CFAP20DC: variants seen among roughly 807,000 people sequenced by gnomAD.
CFAP20DC encodes CFAP20 domain containing, also known as protein CFAP20DC.
CFAP20DC carries 84 observed loss-of-function variants against 101.7 expected under a neutral mutation model. The observed-to-expected ratio is 0.83, with a 90% CI of 0.69 to 0.99. The LOEUF is 0.99. CFAP20DC is among the 50% of genes least tolerant of loss of function. CFAP20DC has a pLI of 0.00. For synonymous variants in CFAP20DC, 359 were observed against 351.2 expected (o/e 1.02, Z -0.25); for missense variants, 1,007 against 970.3 (o/e 1.04, Z -0.50).
At chr3:58,981,695 C>G (rs912658562) in intron 4 of CFAP20DC, among the ~76,000 whole-genome samples, 1 of 152,150 alleles carries the variant, frequency 6.6e-6, no homozygotes, top group Non-Finnish European at 1.5e-5. Context: ...ACACCTTAAA[C>G]AAAAAGTAAT....
rs532460476 is a variant in CFAP20DC at position 58,888,758 on chromosome 3, T to C, written c.551-4049A>G. On this transcript the variant is annotated intron_variant, in intron 6 of 16. Transcript: ENST00000482387. ...GGTTCCATGTCGTTGCTATTGCAAA[T>C]AGTGCTGCAGTGAACATATGCGTGC... 3.9e-5 allele frequency among the ~76,000 whole-genome samples: 6 copies of C among 152,360 alleles called. No homozygotes were observed. In the South Asian group the frequency reaches 1.2e-3, roughly 32 times the overall value.
At chr3:58,837,646 A>C (rs2108125954) in intron 13 of CFAP20DC, among the ~76,000 whole-genome samples, 1 of 152,300 alleles carries the variant, frequency 6.6e-6, no homozygotes, top group Non-Finnish European at 1.5e-5. Context: ...TGGAAAACTC[A>C]ATCTAAACAG....
intron 5 of CFAP20DC, among the ~76,000 whole-genome samples, chr3:58,923,243 ATACTTTTAAACGAATT>A (rs2085579980): frequency 6.6e-6 from 1 of 152,136 alleles, no homozygotes; most frequent in South Asian, 2.1e-4. Context: ...AAACAATCAA[ATACTTTTAAACGAATT>A]GTAATAATGA....
intron 14 of CFAP20DC, among the ~76,000 whole-genome samples, chr3:58,814,594 A>G (rs1372393783): frequency 6.6e-6 from 1 of 151,382 alleles, no homozygotes; most frequent in African/African-American, 2.5e-5. Flanking sequence ...ACATGATTGT[A>G]TATCTAGAAA....
intron 15 of CFAP20DC, among the ~76,000 whole-genome samples, chr3:58,767,854 T>G (rs1176329491): frequency 6.6e-6 from 1 of 152,242 alleles, no homozygotes. Flanking sequence ...ATCTAATCTA[T>G]GCTTGATTAC....
intron 13 of CFAP20DC, among the ~76,000 whole-genome samples, chr3:58,843,182 A>G (rs1473247370): frequency 6.6e-6 from 1 of 152,234 alleles, no homozygotes; most frequent in African/African-American, 2.4e-5. Flanking sequence ...TGATGAGCTG[A>G]GAGAAGAAGG....
intron 16 of CFAP20DC, among the ~76,000 whole-genome samples, chr3:58,747,485 G>A (rs2068282786): frequency 6.6e-6 from 1 of 152,046 alleles, no homozygotes; most frequent in Admixed American, 6.6e-5. Context: ...AAATGATGTG[G>A]CACTAGTTTA....
intron 5 of CFAP20DC, among the ~76,000 whole-genome samples, chr3:58,930,769 A>C (rs917661958): frequency 4.6e-5 from 7 of 152,182 alleles, no homozygotes; most frequent in Admixed American, 2.0e-4. Flanking sequence ...CTTTTAAATT[A>C]AATTTAAGCA....
chr3:58,984,537 C>T (rs1232570666), intron 4 of CFAP20DC, among the ~76,000 whole-genome samples: 6 of 152,104 alleles, frequency 3.9e-5, no homozygotes, highest in Admixed American at 3.9e-4. Context: ...GAGGGTCTTG[C>T]CTTGCAAGAT....
At chr3:58,891,342 G>A (rs567028793) in intron 6 of CFAP20DC, among the ~76,000 whole-genome samples, 1 of 151,678 alleles carries the variant, frequency 6.6e-6, no homozygotes, top group Non-Finnish European at 1.5e-5. Flanking sequence ...CAGGGAGGTT[G>A]CAGTGAGCCG....
At chr3:58,817,454 T>C (rs1424717277) in intron 14 of CFAP20DC, among the ~76,000 whole-genome samples, 5 of 147,702 alleles carry the variant, frequency 3.4e-5, no homozygotes, top group African/African-American at 1.2e-4. Context: ...AAGGAGCTGA[T>C]GGAGCTGAAA....
rs535225519 is a variant in CFAP20DC at position 59,022,488 on chromosome 3, T to C, written c.278+17069A>G. On this transcript the variant is annotated intron_variant, in intron 4 of 16. Transcript: ENST00000482387. ...TTGTATATTTATTTCAAATCCTTGC[T>C]TGTAGCATATCAATAATCATATATG... Among the ~76,000 whole-genome samples the C allele has an allele frequency of 7.9e-5, 12 of 152,258 alleles. No individual in the cohort carries two copies. In the South Asian group the frequency reaches 1.2e-3, roughly 16 times the overall value.
chr3:58,758,476 A>G (rs890821157), intron 15 of CFAP20DC, among the ~76,000 whole-genome samples: 1 of 151,982 alleles, frequency 6.6e-6, no homozygotes, highest in Non-Finnish European at 1.5e-5. Context: ...CACCATTTCC[A>G]TACTTGCCCC....
intron 4 of CFAP20DC, among the ~76,000 whole-genome samples, chr3:58,951,358 AG>A (rs2108043265): frequency 1.3e-5 from 2 of 152,374 alleles, no homozygotes; most frequent in South Asian, 2.1e-4. Flanking sequence ...GCGATTCCTC[AG>A]GGATCTAGGA....
At position 58,897,470 on chromosome 3, in the gene CFAP20DC, T is replaced by C. The variant is rs555123013; in HGVS notation, c.551-12761A>G. Among the ~76,000 whole-genome samples the C allele has an allele frequency of 6.6e-6, 1 of 152,380 alleles. No individual in the cohort carries two copies. The highest frequency in any genetic ancestry group is 6.5e-5 in the Admixed American group (1 of 15,310). ...GTTGCTTCAATGTTACTGGGCTGTG[T>C]ACTTCAGATACACTGTACTTCAGTG... On this transcript the variant is annotated intron_variant, in intron 6 of 16. Coordinates refer to ENST00000482387, the MANE Select transcript of CFAP20DC (RefSeq NM_001394063.1). The surrounding 1 kb of genome is among the most constrained non-coding windows in gnomAD (Gnocchi z 4.4).
At chr3:58,858,437 TACACA>T (rs2079007460) in intron 12 of CFAP20DC, among the ~76,000 whole-genome samples, 1 of 152,206 alleles carries the variant, frequency 6.6e-6, no homozygotes, top group South Asian at 2.1e-4. Flanking sequence ...AATTTCTGGC[TACACA>T]AAATGGATTG....
At chr3:58,995,791 T>C (rs780357719) in intron 4 of CFAP20DC, among the ~76,000 whole-genome samples, 2 of 152,200 alleles carry the variant, frequency 1.3e-5, no homozygotes, top group Non-Finnish European at 2.9e-5. Flanking sequence ...AGTTGGAACA[T>C]AGGTCTTTTG....
In CFAP20DC at chr3:58,806,457, C is replaced by T. The variant is rs1446088388; in HGVS notation, c.2176-1G>A. 1 of 1,609,292 alleles carries T rather than the reference C, an allele frequency of 6.2e-7. No individual in the cohort carries two copies. Among genetic ancestry groups the T allele is most frequent in the South Asian group, 1.1e-5 (1 of 90,980 alleles). ...GATAGTGGCGACCCTGGTTGACAGGCTGGAAAAGACAAAACATTTGTGAAT... is the reference window on the plus strand; with the variant it reads ...GATAGTGGCGACCCTGGTTGACAGGTTGGAAAAGACAAAACATTTGTGAAT... On this transcript the variant is annotated splice_acceptor_variant, in intron 14 of 16. Transcript: ENST00000482387. LOFTEE classifies it high-confidence loss of function.
At chr3:58,898,150 C>G (rs929581852) in intron 6 of CFAP20DC, among the ~76,000 whole-genome samples, 3 of 151,726 alleles carry the variant, frequency 2.0e-5, no homozygotes, top group African/African-American at 7.3e-5. Flanking sequence ...ATTCTTTCCT[C>G]CACTTGGTCT....
Sources: gnomAD v4.1 joint callset for allele counts (sites outside exome capture counted in the v4.1 genomes callset) on GRCh38, gnomAD v4.1.1 for gene constraint, Gnocchi (gnomAD v3.1) non-coding constraint, MANE v1.5 for transcripts, NCBI Gene and HGNC (gene_info 2026-07-23, HGNC 2026-07-21) for gene names.